The following HDLBP variants were observed in gnomAD, a reference collection of about 807,000 sequenced individuals.
HDLBP encodes the protein vigilin.
A neutral mutation model predicts 137.3 loss-of-function variants in HDLBP; 30 were observed. That is an observed-to-expected ratio of 0.22 (90% CI 0.16 to 0.30). The LOEUF (loss-of-function observed/expected upper bound fraction) is 0.30. Among genes scored for constraint, HDLBP ranks in the 10% least tolerant of loss-of-function variants. HDLBP has a pLI of 1.00. For synonymous variants in HDLBP, 606 were observed against 596.0 expected, an observed-to-expected ratio of 1.02 and a Z score of -0.24; for missense variants, 1,119 against 1,667.3, an observed-to-expected ratio of 0.67 and a Z score of 5.73.
chr2:241,286,373 A>G (rs2074809566), intron 1 of HDLBP, among the ~76,000 whole-genome samples: 1 of 152,180 alleles, frequency 6.6e-6, no homozygotes, highest in Non-Finnish European at 1.5e-5. Context: ...CATTCTCTTC[A>G]AAGTCTCCCC....
chr2:241,273,481 C>A lies in HDLBP; in HGVS notation c.-102-4940G>T, dbSNP rs556421015. The A allele has an allele frequency of 1.2e-5, 7 of 591,462 alleles. No homozygotes were observed. In the South Asian group the frequency reaches 4.5e-4, roughly 38 times the overall value. 36.6% of individuals were successfully genotyped at this position (591,462 alleles called of 1,614,324 possible). ...CCCACGGTGGATACGCAGGACTGGG[C>A]GGAACGGAATCCCTACTCTCGGGGT... On this transcript the variant is annotated intron_variant, in intron 1 of 27. Coordinates refer to ENST00000310931, the MANE Select transcript of HDLBP (RefSeq NM_005336.6).
rs1270920798 is a variant in HDLBP at position 241,235,591 on chromosome 2, A to G, written c.2908T>C (p.Leu970=). 4.3e-6 allele frequency: 7 copies of G among 1,610,452 alleles called. No homozygotes were observed. Among genetic ancestry groups the G allele is most frequent in the Middle Eastern group, 1.6e-4 (1 of 6,080 alleles). The change falls in exon 22 of 28, where the codon TTG becomes CTG. Residue 970 remains leucine, a synonymous_variant. Coordinates refer to ENST00000310931, the MANE Select transcript of HDLBP (RefSeq NM_005336.6). ...CEAAKEALEA[L]VPVTIEVEVP... is the part of the protein sequence containing the mutation. ...TCTACTTCAATGGTGACAGGAACCA[A>G]TGCCTGCAGGGAGGATGGTCATGGT...
intron 1 of HDLBP, among the ~76,000 whole-genome samples, chr2:241,284,848 A>G (rs964128122): frequency 6.6e-6 from 1 of 152,246 alleles, no homozygotes; most frequent in African/African-American, 2.4e-5. Context: ...CTGAAGGCTC[A>G]ATGATCATGA....
intron 1 of HDLBP, among the ~76,000 whole-genome samples, chr2:241,310,565 TAAAAAC>T (rs1328402567): frequency 1.3e-5 from 2 of 151,288 alleles, no homozygotes; most frequent in Non-Finnish European, 3.0e-5. Flanking sequence ...ATTTAAAAGA[TAAAAAC>T]AAAAACAAAA....
At chr2:241,303,008 G>C (rs1461673113) in intron 1 of HDLBP, among the ~76,000 whole-genome samples, 1 of 152,152 alleles carries the variant, frequency 6.6e-6, no homozygotes, top group African/African-American at 2.4e-5. Flanking sequence ...GCCTAGTGTT[G>C]GGCAGGACTA....
chr2:241,244,437 C>A (rs1333612727), intron 16 of HDLBP, among the ~76,000 whole-genome samples: 1 of 152,084 alleles, frequency 6.6e-6, no homozygotes, highest in Non-Finnish European at 1.5e-5. Flanking sequence ...AAAACCCTAA[C>A]AGCAGCCAGA....
intron 1 of HDLBP, among the ~76,000 whole-genome samples, chr2:241,279,412 C>T (rs2074516283): frequency 6.6e-6 from 1 of 152,048 alleles, no homozygotes; most frequent in South Asian, 2.1e-4. Flanking sequence ...AAAATTTATA[C>T]AAAAGATCAA....
intron 1 of HDLBP, among the ~76,000 whole-genome samples, chr2:241,300,467 A>G (rs1193148283): frequency 6.6e-6 from 1 of 152,226 alleles, no homozygotes; most frequent in East Asian, 1.9e-4. Flanking sequence ...ACACATGCAC[A>G]CACACACATT....
At chr2:241,297,504 C>T (rs1025831942) in intron 1 of HDLBP, among the ~76,000 whole-genome samples, 1 of 152,168 alleles carries the variant, frequency 6.6e-6, no homozygotes, top group Non-Finnish European at 1.5e-5. Flanking sequence ...TAAAAATACA[C>T]ACGCATGTAG....
In HDLBP at chr2:241,272,727, G is replaced by A. The variant is rs2074202184; in HGVS notation, c.-102-4186C>T. On this transcript the variant is annotated intron_variant, in intron 1 of 27. Coordinates refer to ENST00000310931, the MANE Select transcript of HDLBP (RefSeq NM_005336.6). This position sits in a 1 kb window ranked among gnomAD's most constrained non-coding sequence, Gnocchi z 5.6. Reference sequence around the variant, plus strand: ...GCCCGCCCGCCCCGTCCGCCCGCCCGCCCAGGCCTCCCAGCCCCGTGTTGC... The same window carrying A: ...GCCCGCCCGCCCCGTCCGCCCGCCCACCCAGGCCTCCCAGCCCCGTGTTGC... 8.3e-6 allele frequency: 3 copies of A among 360,400 alleles called. No homozygotes were observed. The highest frequency in any genetic ancestry group is 6.4e-6 in the Non-Finnish European group (2 of 311,226). The allele number at this position is 360,400 out of a possible 1,614,324, so 22.3% of individuals were successfully genotyped here. A position where few individuals can be genotyped will look rare whatever the true frequency, so the allele number is the denominator to read the frequency against.
At position 241,238,552 on chromosome 2, in the gene HDLBP, A is replaced by C; in HGVS notation, c.2749+97T>G. On this transcript the variant is annotated intron_variant, in intron 20 of 27. Coordinates refer to ENST00000310931, the MANE Select transcript of HDLBP (RefSeq NM_005336.6). The surrounding 1 kb of genome is among the most constrained non-coding windows in gnomAD (Gnocchi z 4.9). Reference sequence around the variant, plus strand: ...GAATACATAGATGGTTTTCCAGCAGAGACAGGAAAGAGCCTCACCAGTATG... The same window carrying C: ...GAATACATAGATGGTTTTCCAGCAGCGACAGGAAAGAGCCTCACCAGTATG... 1 of 975,138 alleles carries C rather than the reference A, an allele frequency of 1.0e-6. No individual in the cohort carries two copies. Among genetic ancestry groups the C allele is most frequent in the African/African-American group, 1.7e-5 (1 of 60,478 alleles). The allele number at this position is 975,138 out of a possible 1,614,324, so 60.4% of individuals were successfully genotyped here. A position where few individuals can be genotyped will look rare whatever the true frequency, so the allele number is the denominator to read the frequency against.
chr2:241,264,163 A>C (rs2073449917), intron 4 of HDLBP, among the ~76,000 whole-genome samples: 1 of 151,902 alleles, frequency 6.6e-6, no homozygotes, highest in African/African-American at 2.4e-5. Context: ...GGAGATGGAG[A>C]CCATCCTTGT....
chr2:241,274,811 C>T (rs2074331118), intron 1 of HDLBP, among the ~76,000 whole-genome samples: 1 of 152,134 alleles, frequency 6.6e-6, no homozygotes, highest in Non-Finnish European at 1.5e-5. Flanking sequence ...AATTCCATGG[C>T]TAGCAATATT....
intron 5 of HDLBP, among the ~76,000 whole-genome samples, chr2:241,258,254 G>A (rs1295909623): frequency 6.6e-6 from 1 of 151,406 alleles, no homozygotes; most frequent in Non-Finnish European, 1.5e-5. Flanking sequence ...GGCTGAGGCA[G>A]GCGAATGGCG....
intron 1 of HDLBP, among the ~76,000 whole-genome samples, chr2:241,303,398 C>T (rs909234012): frequency 6.6e-6 from 1 of 152,120 alleles, no homozygotes; most frequent in Admixed American, 6.5e-5. Context: ...GAAGACTGGA[C>T]AAAGGAATCA....
At chr2:241,229,723 G>T in intron 27 of HDLBP, 36 bp from the exon 28 acceptor site, 1 of 1,609,278 alleles carries the variant, frequency 6.2e-7, no homozygotes, top group East Asian at 2.2e-5. Context: ...AGGAGGGGAT[G>T]CTCCCCAACT....
intron 4 of HDLBP, among the ~76,000 whole-genome samples, chr2:241,264,150 T>TC (rs2073447488): frequency 6.6e-6 from 1 of 151,310 alleles, no homozygotes; most frequent in East Asian, 1.9e-4. Flanking sequence ...GATCACGAGG[T>TC]CAGGAGATGG....
intron 1 of HDLBP, among the ~76,000 whole-genome samples, chr2:241,297,879 C>T (rs940747703): frequency 3.3e-5 from 5 of 151,728 alleles, no homozygotes; most frequent in Non-Finnish European, 7.4e-5. Flanking sequence ...GAAACCTTCT[C>T]TCTACTAAAA....
intron 1 of HDLBP, among the ~76,000 whole-genome samples, chr2:241,275,877 C>A (rs190053188): frequency 6.6e-6 from 1 of 152,164 alleles, no homozygotes; most frequent in African/African-American, 2.4e-5. Context: ...GCAACTACTA[C>A]CAATAGATCC....
Sources: allele counts gnomAD v4.1 joint callset (sites outside exome capture counted in the v4.1 genomes callset), GRCh38; gene constraint gnomAD v4.1.1; non-coding constraint Gnocchi (gnomAD v3.1); transcripts MANE v1.5; gene names NCBI Gene and HGNC (gene_info 2026-07-23, HGNC 2026-07-21).